The following CSMD1 variants were observed in gnomAD, a reference collection of about 807,000 sequenced individuals.
The protein encoded by CSMD1 is CUB and Sushi multiple domains 1, also known as CUB and sushi domain-containing protein 1.
In CSMD1, 213 loss-of-function variants were observed where a neutral mutation model predicts 417.5. The observed-to-expected ratio is 0.51, with a 90% CI of 0.46 to 0.57. CSMD1 has a LOEUF of 0.57. CSMD1 is among the 20% of genes least tolerant of loss of function. The pLI, the probability that CSMD1 is intolerant of heterozygous loss-of-function variation, is 0.00. For synonymous variants in CSMD1, 2,862 were observed against 1,736.8 expected (o/e 1.65, Z -16.11); for missense variants, 6,923 against 4,529.7 (o/e 1.53, Z -15.17).
At chr8:4,490,340 C>T (rs907831630) in intron 2 of CSMD1, among the ~76,000 whole-genome samples, 2 of 152,114 alleles carry the variant, frequency 1.3e-5, no homozygotes, top group African/African-American at 4.8e-5. Flanking sequence ...ATATCCAGCC[C>T]AGATATCTTG....
At chr8:3,968,187 A>AAATAATAAT (rs60661289) in intron 5 of CSMD1, among the ~76,000 whole-genome samples, 1 of 148,928 alleles carries the variant, frequency 6.7e-6, no homozygotes, top group African/African-American at 2.5e-5. Context: ...ACTCCGTCTC[A>AAATAATAAT]AATAATAATA....
At chr8:4,610,536 C>G (rs1287705632) in intron 2 of CSMD1, among the ~76,000 whole-genome samples, 1 of 152,144 alleles carries the variant, frequency 6.6e-6, no homozygotes, top group African/African-American at 2.4e-5. Flanking sequence ...AAAGAATACC[C>G]CAGGAGGTAT....
At chr8:3,184,010 T>C (rs1382380889) in intron 36 of CSMD1, among the ~76,000 whole-genome samples, 1 of 152,146 alleles carries the variant, frequency 6.6e-6, no homozygotes, top group African/African-American at 2.4e-5. Flanking sequence ...TGATGAGACA[T>C]GTTAAAATTC....
At position 4,907,868 on chromosome 8, in the gene CSMD1, T is replaced by C. The variant is rs148484916; in HGVS notation, c.85+86464A>G. On this transcript the variant is annotated intron_variant, in intron 1 of 69. Coordinates refer to ENST00000635120, the MANE Select transcript of CSMD1 (RefSeq NM_033225.6). ...GACAATAGCCATCTCACTTTGGCCA[T>C]TGTTTATTAATTATATCCTGCAGCC... 4.0e-3 allele frequency among the ~76,000 whole-genome samples: 603 copies of C among 152,182 alleles called. 7 individuals carry two copies. The highest frequency in any genetic ancestry group is 0.014 in the African/African-American group (563 of 41,546).
intron 3 of CSMD1, among the ~76,000 whole-genome samples, chr8:4,067,740 A>G (rs984078236): frequency 7.2e-5 from 11 of 152,206 alleles, no homozygotes; most frequent in Admixed American, 2.6e-4. Context: ...GGAACGTGTT[A>G]TTCTTTGGAC....
intron 3 of CSMD1, among the ~76,000 whole-genome samples, chr8:4,224,527 T>G (rs2128810098): frequency 6.6e-6 from 1 of 152,244 alleles, no homozygotes; most frequent in East Asian, 1.9e-4. Context: ...TTCGCCTAAG[T>G]TACCCGGCTA....
chr8:4,343,522 A>C (rs1001682067), intron 3 of CSMD1, among the ~76,000 whole-genome samples: 4 of 152,130 alleles, frequency 2.6e-5, no homozygotes, highest in African/African-American at 9.7e-5. Flanking sequence ...TCAAATATCA[A>C]ATTGTACAAG....
chr8:3,338,126 G>A (rs186336577), intron 23 of CSMD1, among the ~76,000 whole-genome samples: 6 of 152,324 alleles, frequency 3.9e-5, no homozygotes, highest in Admixed American at 1.3e-4. Flanking sequence ...CCCTTGAGGA[G>A]TCTGTCATCC....
At chr8:4,969,669 T>C (rs914674443) in intron 1 of CSMD1, among the ~76,000 whole-genome samples, 1 of 152,040 alleles carries the variant, frequency 6.6e-6, no homozygotes, top group Non-Finnish European at 1.5e-5. Flanking sequence ...GATTTCGAGG[T>C]GTGTCAATAT....
In CSMD1 at chr8:3,949,624, G is replaced by T. The variant is rs568104444; in HGVS notation, c.818+48279C>A. Among the ~76,000 whole-genome samples the T allele has an allele frequency of 2.0e-5, 3 of 152,214 alleles. No individual in the cohort carries two copies. The East Asian group carries it at 5.8e-4, about 29-fold the overall frequency. ...ATGAGGGTGGGTGGTTTGTTTGGGA[G>T]ATGATTTTAGGTACAAGATTGAAGG... is the stretch of plus-strand genomic sequence containing the variant. On this transcript the variant is annotated intron_variant, in intron 5 of 69. Coordinates refer to ENST00000635120, the MANE Select transcript of CSMD1 (RefSeq NM_033225.6).
At chr8:4,360,163 G>T (rs374791077) in intron 3 of CSMD1, among the ~76,000 whole-genome samples, 18 of 152,248 alleles carry the variant, frequency 1.2e-4, no homozygotes, top group African/African-American at 3.1e-4. Context: ...TGAACTACAC[G>T]TGAGAGTGAC....
chr8:4,778,196 T>C (rs2117177192), intron 1 of CSMD1, among the ~76,000 whole-genome samples: 1 of 152,282 alleles, frequency 6.6e-6, no homozygotes, highest in Non-Finnish European at 1.5e-5. Context: ...TTCATTAAAA[T>C]TACTTATGAA....
intron 5 of CSMD1, among the ~76,000 whole-genome samples, chr8:3,881,634 AC>A (rs1396084894): frequency 2.3e-5 from 2 of 87,712 alleles, no homozygotes; most frequent in African/African-American, 1.6e-4. Flanking sequence ...AAAAACAAAA[AC>A]AAACAAACAA....
chr8:3,462,523 C>G (rs1277489738), intron 12 of CSMD1, among the ~76,000 whole-genome samples: 1 of 152,072 alleles, frequency 6.6e-6, no homozygotes. Flanking sequence ...GGCTGCATGC[C>G]CTTTATGAGA....
chr8:3,274,421 AGTTCTGTAG>A (rs1802112894), intron 26 of CSMD1, among the ~76,000 whole-genome samples: 1 of 151,912 alleles, frequency 6.6e-6, no homozygotes, highest in African/African-American at 2.4e-5. Flanking sequence ...TGGGGTGGAG[AGTTCTGTAG>A]ATGTCTATTA....
intron 47 of CSMD1, among the ~76,000 whole-genome samples, 200 bp downstream of exon 47, chr8:3,096,646 TACA>T (rs1479372701): frequency 6.6e-6 from 1 of 152,194 alleles, no homozygotes; most frequent in Non-Finnish European, 1.5e-5. Context: ...ACTAATACAG[TACA>T]ACAATCATAT....
chr8:3,309,006 G>C lies in CSMD1; in HGVS notation c.3632-503C>G, dbSNP rs149285113. The stretch of plus-strand genomic sequence containing the variant: ...CCCAAAGTGCTGGGATTACAGGCGT[G>C]AGCCACTGCGCCCGGCCCCTCAAGC... On this transcript the variant is annotated intron_variant, in intron 23 of 69. Coordinates refer to ENST00000635120, the MANE Select transcript of CSMD1 (RefSeq NM_033225.6). 1.9e-4 allele frequency among the ~76,000 whole-genome samples: 29 copies of C among 152,220 alleles called. No individual in the cohort carries two copies. The East Asian group carries it at 4.8e-3, about 25-fold the overall frequency.
intron 1 of CSMD1, among the ~76,000 whole-genome samples, chr8:4,940,340 T>C (rs535199436): frequency 6.6e-6 from 1 of 152,350 alleles, no homozygotes; most frequent in African/African-American, 2.4e-5. Flanking sequence ...GCCCATGTAA[T>C]TTCACATTTT....
chr8:3,180,709 C>A (rs569534211), intron 37 of CSMD1, among the ~76,000 whole-genome samples: 37 of 152,248 alleles, frequency 2.4e-4, no homozygotes, highest in Middle Eastern at 6.8e-3. Flanking sequence ...AATCTTGGCT[C>A]ATGGCAACCT....
Sources: allele counts gnomAD v4.1 joint callset (sites outside exome capture counted in the v4.1 genomes callset), GRCh38; gene constraint gnomAD v4.1.1; transcripts MANE v1.5; gene names NCBI Gene and HGNC (gene_info 2026-07-23, HGNC 2026-07-21).